The following PTPN9 variants were observed in gnomAD, a reference collection of about 807,000 sequenced individuals.
PTPN9 encodes tyrosine-protein phosphatase non-receptor type 9.
Under a neutral mutation model 69.8 loss-of-function variants are expected in PTPN9, and 26 were observed. The ratio of observed to expected loss-of-function variants is 0.37; its 90% CI spans 0.27 to 0.52. The LOEUF (loss-of-function observed/expected upper bound fraction) is 0.52. PTPN9 is among the 20% of genes least tolerant of loss of function. The probability of loss-of-function intolerance (pLI) is 0.91; values close to 1 mark genes in which losing one functional copy is unlikely to be tolerated. For missense variants in PTPN9, 549 were observed against 740.3 expected, an observed-to-expected ratio of 0.74 and a Z score of 3.00; for synonymous variants, 274 against 272.5, an observed-to-expected ratio of 1.01 and a Z score of -0.05.
At chr15:75,563,399 G>T (rs1192548628) in intron 1 of PTPN9, among the ~76,000 whole-genome samples, 2 of 152,140 alleles carry the variant, frequency 1.3e-5, no homozygotes, top group East Asian at 3.8e-4. Context: ...TCTTAGCCAG[G>T]TTAGTCTCAA....
At chr15:75,484,145 TAAC>T (rs986485558) in intron 8 of PTPN9, among the ~76,000 whole-genome samples, 46 of 152,212 alleles carry the variant, frequency 3.0e-4, no homozygotes, top group African/African-American at 1.1e-3. Flanking sequence ...TCTCAAGTAA[TAAC>T]AATAGTAACT....
chr15:75,490,333 A>G, intron 7 of PTPN9, 32 bp from the exon 8 acceptor site: 1 of 1,484,552 alleles, frequency 6.7e-7, no homozygotes, highest in Non-Finnish European at 9.4e-7. Flanking sequence ...AGCAAGAATA[A>G]AGAAAAAGTG....
At chr15:75,469,066 G>A (rs1029440529) in intron 12 of PTPN9, 83 bp from the exon 13 acceptor site, 20 of 1,282,374 alleles carry the variant, frequency 1.6e-5, no homozygotes, top group Non-Finnish European at 2.1e-5. Context: ...AGAACTGAAT[G>A]AATGACTTCA....
chr15:75,508,893 T>C, intron 6 of PTPN9, 24 bp downstream of exon 6: 1 of 1,555,314 alleles, frequency 6.4e-7, no homozygotes, highest in Non-Finnish European at 8.9e-7. Context: ...CACCTCCAGA[T>C]AAAAAAGGGC....
Position 75,463,404 on chromosome 15 carries a change from A to G in PTPN9, c.*5365T>C, listed in dbSNP as rs1333849851. 6.6e-6 allele frequency: 1 copy of G among 152,234 alleles called. No homozygotes were observed. The highest frequency in any genetic ancestry group is 2.4e-5 in the African/African-American group (1 of 41,464). The allele number at this position is 152,234 out of a possible 1,614,324, so 9.4% of individuals were successfully genotyped here. On this transcript the variant is annotated 3_prime_UTR_variant, in exon 13 of 13. Coordinates refer to ENST00000618819, the MANE Select transcript of PTPN9 (RefSeq NM_002833.4). ...GCTTTAAGACAAACTACGCAGCAGCATTAGAGAAGTAGTAGATTATAATGT... is the reference window on the plus strand; with the variant it reads ...GCTTTAAGACAAACTACGCAGCAGCGTTAGAGAAGTAGTAGATTATAATGT...
At chr15:75,490,515 G>A (rs1487979002) in intron 7 of PTPN9, among the ~76,000 whole-genome samples, 1 of 152,202 alleles carries the variant, frequency 6.6e-6, no homozygotes, top group Non-Finnish European at 1.5e-5. Flanking sequence ...ATTCAAAAGA[G>A]AGAGGGAGAC....
At chr15:75,524,575 C>T (rs889195795) in intron 2 of PTPN9, among the ~76,000 whole-genome samples, 3 of 151,948 alleles carry the variant, frequency 2.0e-5, no homozygotes, top group Admixed American at 6.6e-5. Flanking sequence ...GTCAGGAGTT[C>T]GAGAGCAGCC....
At chr15:75,504,284 G>C (rs1457152568) in intron 7 of PTPN9, among the ~76,000 whole-genome samples, 6 of 126,208 alleles carry the variant, frequency 4.8e-5, no homozygotes, top group Non-Finnish European at 8.5e-5. Flanking sequence ...CCGGCCAGCC[G>C]CCCCGTCCGG....
chr15:75,477,564 C>T (rs549983293), intron 9 of PTPN9, among the ~76,000 whole-genome samples: 41 of 152,260 alleles, frequency 2.7e-4, no homozygotes, highest in African/African-American at 9.4e-4. Context: ...CACTGCACTC[C>T]AGCCTGGGCG....
At chr15:75,481,263 C>T (rs1477481824) in intron 8 of PTPN9, among the ~76,000 whole-genome samples, 5 of 87,586 alleles carry the variant, frequency 5.7e-5, no homozygotes, top group African/African-American at 1.8e-4. Context: ...AGTGAGGAGC[C>T]TCTCCGCCCG....
At chr15:75,572,225 G>A (rs540661731) in intron 1 of PTPN9, among the ~76,000 whole-genome samples, 1 of 152,008 alleles carries the variant, frequency 6.6e-6, no homozygotes, top group Non-Finnish European at 1.5e-5. Flanking sequence ...CCAGCTACTC[G>A]GGAGGCCAAG....
intron 1 of PTPN9, among the ~76,000 whole-genome samples, chr15:75,551,941 G>A (rs998451070): frequency 6.6e-6 from 1 of 151,710 alleles, no homozygotes; most frequent in Admixed American, 6.6e-5. Flanking sequence ...GGGAGGCTGA[G>A]GCAGAAGAAT....
In PTPN9 at chr15:75,563,715, C is replaced by T. The variant is rs528249780; in HGVS notation, c.63+14999G>A. ...AAAATATACTAAGAATTCAGAAGTT[C>T]GAGTCCCTGTCCTCATTGCACGTAA... On this transcript the variant is annotated intron_variant, in intron 1 of 12. Transcript: ENST00000618819. Among the ~76,000 whole-genome samples the T allele has an allele frequency of 9.2e-5, 14 of 152,234 alleles. 1 individual carries two copies. Among genetic ancestry groups the T allele is most frequent in the African/African-American group, 2.9e-4 (12 of 41,546 alleles).
intron 8 of PTPN9, among the ~76,000 whole-genome samples, chr15:75,483,456 A>G (rs567463136): frequency 6.6e-6 from 1 of 152,350 alleles, no homozygotes; most frequent in Admixed American, 6.5e-5. Flanking sequence ...TAGAAGCCAG[A>G]CACAAAAAGC....
intron 7 of PTPN9, among the ~76,000 whole-genome samples, chr15:75,503,531 T>A: frequency 9.1e-6 from 1 of 110,494 alleles, no homozygotes; most frequent in African/African-American, 3.4e-5. Flanking sequence ...AGCCGCCCCG[T>A]CCGGGAGGGA....
intron 7 of PTPN9, among the ~76,000 whole-genome samples, chr15:75,493,748 G>A (rs533141221): frequency 3.9e-5 from 6 of 151,942 alleles, no homozygotes; most frequent in African/African-American, 9.7e-5. Context: ...GCAACAGAGC[G>A]AGACTCCGTC....
rs1179645647 is a variant in PTPN9 at position 75,465,071 on chromosome 15, T to G, written c.*3698A>C. ...GCAGAAGCCTGCTTTAGCTCAGTGT[T>G]TTCTTCTTTCCTGAACACTGTCTTT... On this transcript the variant is annotated 3_prime_UTR_variant, in exon 13 of 13. Transcript: ENST00000618819. The G allele has an allele frequency of 1.3e-5, 2 of 152,196 alleles. No individual in the cohort carries two copies. The allele number at this position is 152,196 out of a possible 1,614,324, so 9.4% of individuals were successfully genotyped here. A position where few individuals can be genotyped will look rare whatever the true frequency, so the allele number is the denominator to read the frequency against.
chr15:75,517,010 TG>T (rs2074873820), intron 5 of PTPN9, among the ~76,000 whole-genome samples: 1 of 152,174 alleles, frequency 6.6e-6, no homozygotes, highest in Non-Finnish European at 1.5e-5. Context: ...CCCAAAGTGC[TG>T]GGATTACAGG....
At chr15:75,482,485 A>G (rs2074644737) in intron 8 of PTPN9, among the ~76,000 whole-genome samples, 1 of 148,266 alleles carries the variant, frequency 6.7e-6, no homozygotes, top group Non-Finnish European at 1.5e-5. Context: ...GAATGGCGTG[A>G]ACCCGGGAGG....
Sources: gnomAD v4.1 joint callset for allele counts (sites outside exome capture counted in the v4.1 genomes callset) on GRCh38, gnomAD v4.1.1 for gene constraint, MANE v1.5 for transcripts, NCBI Gene and HGNC (gene_info 2026-07-23, HGNC 2026-07-21) for gene names.